Variants in GAS7 observed in about 807,000 individuals in gnomAD.
GAS7 encodes the protein growth arrest specific 7, also known as growth arrest-specific protein 7.
GAS7 carries 28 observed loss-of-function variants against 71.1 expected under a neutral mutation model. The observed-to-expected ratio is 0.39, with a 90% confidence interval of 0.29 to 0.54. The LOEUF is 0.54. GAS7 is among the 20% of genes least tolerant of loss of function. GAS7 has a pLI of 0.62. For synonymous variants in GAS7, 258 were observed against 245.8 expected (o/e 1.05, Z -0.46); for missense variants, 436 against 627.8 (o/e 0.69, Z 3.27).
chr17:10,111,468 C>G (rs11654927), intron 1 of GAS7, among the ~76,000 whole-genome samples: 151,555 of 151,606 alleles, frequency 1, 75,752 homozygotes, highest in Middle Eastern at 1. Context: ...GGGAGGCGGA[C>G]GTTGCAGTGA....
chr17:10,054,447 T>C (rs1165488222), intron 1 of GAS7, among the ~76,000 whole-genome samples: 1 of 152,114 alleles, frequency 6.6e-6, no homozygotes, highest in East Asian at 1.9e-4. Flanking sequence ...GAAATCTGGA[T>C]TTTTAATGGA....
intron 1 of GAS7, among the ~76,000 whole-genome samples, chr17:10,084,211 T>C (rs1377293652): frequency 6.6e-6 from 1 of 152,080 alleles, no homozygotes; most frequent in East Asian, 1.9e-4. Context: ...AAATATGGGT[T>C]ATCAATGGCC....
At chr17:9,996,593 ATGTGTG>A (rs10598229) in intron 2 of GAS7, among the ~76,000 whole-genome samples, 1 of 146,798 alleles carries the variant, frequency 6.8e-6, no homozygotes, top group Non-Finnish European at 1.5e-5. Context: ...CTATATATAT[ATGTGTG>A]TGTGTGTGTG....
intron 1 of GAS7, among the ~76,000 whole-genome samples, chr17:10,086,831 G>A (rs1002496402): frequency 2.6e-5 from 4 of 152,154 alleles, no homozygotes; most frequent in Non-Finnish European, 5.9e-5. Context: ...ACCAGCTCAC[G>A]GGAACGCATC....
In GAS7 at chr17:9,915,246, C is replaced by A. The variant is rs1013365985; in HGVS notation, c.*1982G>T. On this transcript the variant is annotated 3_prime_UTR_variant, in exon 14 of 14. Coordinates refer to ENST00000432992, the MANE Select transcript of GAS7 (RefSeq NM_201433.2). ...CAGATGTAATGGAAAAGTCAATGAGCCATATTGTACTCAAAATATCTTGTT... is the reference window on the plus strand; with the variant it reads ...CAGATGTAATGGAAAAGTCAATGAGACATATTGTACTCAAAATATCTTGTT... 2 of 230,802 alleles carry A rather than the reference C, an allele frequency of 8.7e-6. No individual in the cohort carries two copies. The highest frequency in any genetic ancestry group is 8.6e-6 in the Non-Finnish European group (1 of 116,416). The allele number at this position is 230,802 out of a possible 1,614,324, so 14.3% of individuals were successfully genotyped here.
At position 9,916,162 on chromosome 17, in the gene GAS7, T is replaced by C. The variant is rs1004526644; in HGVS notation, c.*1066A>G. Reference sequence around the variant, plus strand: ...GTACAAGGGACAGCAGTCCCAGCCCTGCCATACACAAGAAGACAGAGCCAT... The same window carrying C: ...GTACAAGGGACAGCAGTCCCAGCCCCGCCATACACAAGAAGACAGAGCCAT... On this transcript the variant is annotated 3_prime_UTR_variant, in exon 14 of 14. Transcript: ENST00000432992. 16 of 232,958 alleles carry C rather than the reference T, an allele frequency of 6.9e-5. No homozygotes were observed. The Admixed American group carries it at 8.4e-4, about 12-fold the overall frequency. 14.4% of individuals were successfully genotyped at this position (232,958 alleles called of 1,614,324 possible). A position where few individuals can be genotyped will look rare whatever the true frequency, so the allele number is the denominator to read the frequency against.
chr17:10,182,869 C>T (rs1455860820), intron 1 of GAS7, among the ~76,000 whole-genome samples: 2 of 152,200 alleles, frequency 1.3e-5, no homozygotes, highest in Non-Finnish European at 2.9e-5. Flanking sequence ...AAGACAAAAA[C>T]GAATGCTTGA....
intron 1 of GAS7, among the ~76,000 whole-genome samples, chr17:10,067,466 A>C (rs1201374701): frequency 6.6e-6 from 1 of 151,734 alleles, no homozygotes; most frequent in Non-Finnish European, 1.5e-5. Context: ...GCTGGTCTCG[A>C]ACTGCTGACC....
At chr17:10,040,928 G>A (rs556312581) in intron 1 of GAS7, among the ~76,000 whole-genome samples, 3 of 152,288 alleles carry the variant, frequency 2.0e-5, no homozygotes, top group South Asian at 4.1e-4. Context: ...TTGGGAGGCC[G>A]AGGCAGGTGG....
Position 9,919,749 on chromosome 17 carries a change from A to C in GAS7, c.1139-44T>G. The C allele has an allele frequency of 2.9e-6, 4 of 1,391,982 alleles. No homozygotes were observed. The highest frequency in any genetic ancestry group is 3.1e-6 in the Non-Finnish European group (3 of 978,130). The allele number at this position is 1,391,982 out of a possible 1,614,324, so 86.2% of individuals were successfully genotyped here. ...CACCATCATGAAGCATCCTATCCTCACCATGACTCTGTGCCCCACCCTGAG... is the reference window on the plus strand; with the variant it reads ...CACCATCATGAAGCATCCTATCCTCCCCATGACTCTGTGCCCCACCCTGAG... On this transcript the variant is annotated intron_variant, in intron 11 of 13. Coordinates refer to ENST00000432992, the MANE Select transcript of GAS7 (RefSeq NM_201433.2). The surrounding 1 kb of genome is among the most constrained non-coding windows in gnomAD (Gnocchi z 5.0).
intron 1 of GAS7, among the ~76,000 whole-genome samples, chr17:10,024,056 G>A (rs1415985389): frequency 3.9e-5 from 6 of 152,168 alleles, no homozygotes; most frequent in Non-Finnish European, 5.9e-5. Flanking sequence ...CCTGGGAGGC[G>A]GAGGTTGCCG....
intron 1 of GAS7, among the ~76,000 whole-genome samples, chr17:10,077,968 T>G (rs1281984568): frequency 2.0e-5 from 3 of 152,116 alleles, no homozygotes; most frequent in Non-Finnish European, 4.4e-5. Flanking sequence ...AATAGATGCT[T>G]CTATTGAGAT....
At chr17:10,032,039 C>T (rs2072631887) in intron 1 of GAS7, among the ~76,000 whole-genome samples, 1 of 147,642 alleles carries the variant, frequency 6.8e-6, no homozygotes, top group Non-Finnish European at 1.5e-5. Context: ...ATACAGAGAA[C>T]AGCTCCAGAA....
At chr17:10,149,613 C>A (rs973738780) in intron 1 of GAS7, among the ~76,000 whole-genome samples, 1 of 152,130 alleles carries the variant, frequency 6.6e-6, no homozygotes, top group Non-Finnish European at 1.5e-5. Context: ...CCCAAGAGAA[C>A]TGAAAACATG....
At chr17:10,197,820 C>G (rs979994966) in intron 1 of GAS7, among the ~76,000 whole-genome samples, 2 of 152,212 alleles carry the variant, frequency 1.3e-5, no homozygotes, top group Non-Finnish European at 2.9e-5. Flanking sequence ...CGAGTCGGTG[C>G]CACTTTCTCG....
At chr17:10,098,637 C>A (rs899622038) in intron 1 of GAS7, among the ~76,000 whole-genome samples, 7 of 152,198 alleles carry the variant, frequency 4.6e-5, no homozygotes, top group Admixed American at 4.6e-4. Context: ...TGGGCATATC[C>A]CTAGCCAGGC....
chr17:10,049,416 A>G (rs2152234944), intron 1 of GAS7, among the ~76,000 whole-genome samples: 1 of 152,210 alleles, frequency 6.6e-6, no homozygotes, highest in Non-Finnish European at 1.5e-5. Flanking sequence ...TGATCTCAAT[A>G]TGGAAAATAG....
chr17:10,049,770 G>A (rs537406331), intron 1 of GAS7, among the ~76,000 whole-genome samples: 11,241 of 151,544 alleles, frequency 0.074, 981 homozygotes, highest in African/African-American at 0.21. Flanking sequence ...ACAGGTGCCT[G>A]CCACCACGCC....
intron 6 of GAS7, 57 bp downstream of exon 6, chr17:9,946,837 G>T (rs2068805276): frequency 2.7e-6 from 3 of 1,096,280 alleles, no homozygotes; most frequent in African/African-American, 3.1e-5. Flanking sequence ...ACCCATCCTG[G>T]GTGTCCACTC....
Sources: gnomAD v4.1 joint callset for allele counts (sites outside exome capture counted in the v4.1 genomes callset) on GRCh38, gnomAD v4.1.1 for gene constraint, Gnocchi (gnomAD v3.1) non-coding constraint, MANE v1.5 for transcripts, NCBI Gene and HGNC (gene_info 2026-07-23, HGNC 2026-07-21) for gene names.